The following SMARCA4 variants were observed in gnomAD, a reference collection of about 807,000 sequenced individuals.
The protein encoded by SMARCA4 is SWI/SNF-related matrix-associated actin-dependent regulator of chromatin subfamily A member 4.
A neutral mutation model predicts 193.9 loss-of-function variants in SMARCA4; 31 were observed. That is an observed-to-expected ratio of 0.16 (90% CI 0.12 to 0.22). The LOEUF is 0.22. SMARCA4 is among the 10% of genes least tolerant of loss of function. The pLI is 1.00. For missense variants in SMARCA4, 1,148 were observed against 2,296.0 expected, an observed-to-expected ratio of 0.50 and a Z score of 10.22; for synonymous variants, 942 against 933.1, an observed-to-expected ratio of 1.01 and a Z score of -0.17.
rs2089852090 is a variant in SMARCA4 at position 11,021,367 on chromosome 19, TC to T, written c.2617-353del. On this transcript the variant is annotated intron_variant, in intron 18 of 34. Transcript: ENST00000344626. Reference sequence around the variant, plus strand: ...AGACCCTCCACACCAGCAGGACAAGTCCCCCAGTCAGCAAGATGTGTCTTCT... The same window carrying T: ...AGACCCTCCACACCAGCAGGACAAGTCCCCAGTCAGCAAGATGTGTCTTCT... 159 of 382,098 alleles carry T rather than the reference TC, an allele frequency of 4.2e-4. 3 individuals carry two copies. Among genetic ancestry groups the T allele is most frequent in the South Asian group, 3.2e-3 (159 of 49,856 alleles). The allele number at this position is 382,098 out of a possible 1,614,324, so 23.7% of individuals were successfully genotyped here. A position where few individuals can be genotyped will look rare whatever the true frequency, so the allele number is the denominator to read the frequency against.
At chr19:10,982,461 T>G (rs2085629161) in intron 1 of SMARCA4, among the ~76,000 whole-genome samples, 1 of 151,456 alleles carries the variant, frequency 6.6e-6, no homozygotes, top group South Asian at 2.1e-4. Context: ...GCAACAAGAG[T>G]GAAACTTCGT....
At chr19:11,044,846 C>T (rs954115016) in intron 30 of SMARCA4, among the ~76,000 whole-genome samples, 5 of 152,242 alleles carry the variant, frequency 3.3e-5, no homozygotes, top group South Asian at 4.1e-4. Flanking sequence ...CACCGACAGA[C>T]GTGTCCATAG....
At position 11,007,889 on chromosome 19, in the gene SMARCA4, T is replaced by C. The variant is rs2146189229; in HGVS notation, c.2002-13T>C. 1.9e-6 allele frequency: 3 copies of C among 1,613,188 alleles called. No individual in the cohort carries two copies. ...GGGATGAACTGAGGTGACATGGGCT[T>C]GTCTCTTGGTAGGAGGAGGAGGAAG... On this transcript the variant is annotated splice_polypyrimidine_tract_variant and intron_variant, in intron 13 of 34. Transcript: ENST00000344626.
chr19:11,010,183 C>G (rs1006051878), intron 14 of SMARCA4, among the ~76,000 whole-genome samples, 198 bp from the exon 15 acceptor site: 1 of 152,152 alleles, frequency 6.6e-6, no homozygotes, highest in African/African-American at 2.4e-5. Context: ...TCCCAGGAGT[C>G]CAGTCTGGAC....
rs1264127779 is a variant in SMARCA4, at chr19:11,030,839, C to T, written c.3492C>T (p.Asn1164=). Residue 1164 remains asparagine, a synonymous_variant, in exon 25 of 35, where the codon AAC becomes AAT. Coordinates refer to ENST00000344626, the MANE Select transcript of SMARCA4 (RefSeq NM_003072.5). This position sits in a 1 kb window ranked among gnomAD's most constrained non-coding sequence, Gnocchi z 5.5. ...CCCGGGCTGGGGGGCTCGGCCTGAA[C>T]CTCCAGTCGGCAGACACTGTGATCA... The part of the protein sequence containing the change: ...LSTRAGGLGL[N]LQSADTVIIF... 1.2e-6 allele frequency: 2 copies of T among 1,609,260 alleles called. No homozygotes were observed. Among genetic ancestry groups the T allele is most frequent in the Non-Finnish European group, 8.5e-7 (1 of 1,178,148 alleles).
chr19:11,027,839 A>C lies in SMARCA4; in HGVS notation c.3271A>C (p.Lys1091Gln). 1 of 1,614,148 alleles carries C rather than the reference A, an allele frequency of 6.2e-7. No homozygotes were observed. The highest frequency in any genetic ancestry group is 8.5e-7 in the Non-Finnish European group (1 of 1,180,034). ...KFELLDRILP[K>Q]LRATNHKVLL... ...TGAGCTTCTTGATAGAATTCTTCCC[A>C]AACTCCGAGCAACCAACCACAAAGT... Residue 1091 changes from lysine (K) to glutamine (Q), a missense_variant, in exon 24 of 35, where the codon AAA (lysine) becomes CAA (glutamine). Lys to Gln is a moderately conservative substitution (Grantham distance 53). Transcript: ENST00000344626.
In SMARCA4 at chr19:11,060,204, G is replaced by T. The variant is rs367836094; in HGVS notation, c.4911+17G>T. ...CAAGAGGAGGTGAGGCCGGGCCCCC[G>T]AGCAGGCAGAGCTGGCATGTGGCAG... On this transcript the variant is annotated intron_variant, in intron 34 of 34. Transcript: ENST00000344626. 3.2e-6 allele frequency: 5 copies of T among 1,550,200 alleles called. No individual in the cohort carries two copies. Among genetic ancestry groups the T allele is most frequent in the South Asian group, 2.4e-5 (2 of 83,958 alleles).
chr19:10,982,066 C>T (rs139147754), intron 1 of SMARCA4, among the ~76,000 whole-genome samples: 201 of 152,158 alleles, frequency 1.3e-3, no homozygotes, highest in African/African-American at 4.3e-3. Flanking sequence ...TGGCCAGGAA[C>T]GGTGGCTCAC....
chr19:10,968,211 C>G (rs1028849658), intron 1 of SMARCA4, among the ~76,000 whole-genome samples: 1 of 152,164 alleles, frequency 6.6e-6, no homozygotes, highest in African/African-American at 2.4e-5. Context: ...TGGTCTCAAA[C>G]TTCTGACCTC....
At chr19:10,968,291 A>G (rs528817395) in intron 1 of SMARCA4, among the ~76,000 whole-genome samples, 25 of 152,176 alleles carry the variant, frequency 1.6e-4, no homozygotes, top group African/African-American at 4.8e-4. Context: ...CCTGGCCTCA[A>G]ATGTTTTTTT....
intron 16 of SMARCA4, among the ~76,000 whole-genome samples, chr19:11,017,617 C>G (rs1484109042): frequency 2.0e-5 from 3 of 152,274 alleles, no homozygotes; most frequent in African/African-American, 7.2e-5. Context: ...TCAGTCCCCT[C>G]CTGACCCTTG....
Position 10,991,130 on chromosome 19 carries a change from T to C in SMARCA4, c.1246-20T>C, listed in dbSNP as rs1178376923. ...CACAGAGCTGTGCAGTGCGCGGGCT[T>C]GTCCTCTTCCCTCCTACAGCTGCGC... On this transcript the variant is annotated intron_variant, in intron 7 of 34. Coordinates refer to ENST00000344626, the MANE Select transcript of SMARCA4 (RefSeq NM_003072.5). 6.2e-7 allele frequency: 1 copy of C among 1,613,056 alleles called. No homozygotes were observed. The highest frequency in any genetic ancestry group is 1.3e-5 in the African/African-American group (1 of 75,070).
In SMARCA4 at chr19:11,034,723, G is replaced by A. The variant is rs1403288727; in HGVS notation, c.3952-191G>A. 1.3e-5 allele frequency among the ~76,000 whole-genome samples: 2 copies of A among 152,160 alleles called. No individual in the cohort carries two copies. Among genetic ancestry groups the A allele is most frequent in the South Asian group, 2.1e-4 (1 of 4,834 alleles). ...AGTTTCCTCTGCCTCCTGAGGCAGA[G>A]CCTCTAGTCAGGGTCTGACGGAGCC... On this transcript the variant is annotated intron_variant, in intron 28 of 34. Transcript: ENST00000344626. This position sits in a 1 kb window ranked among gnomAD's most constrained non-coding sequence, Gnocchi z 7.0.
rs1353294451 is a variant in SMARCA4 at position 10,985,882 on chromosome 19, C to T, written c.356-307C>T. On this transcript the variant is annotated intron_variant, in intron 3 of 34. Coordinates refer to ENST00000344626, the MANE Select transcript of SMARCA4 (RefSeq NM_003072.5). The surrounding 1 kb of genome is among the most constrained non-coding windows in gnomAD (Gnocchi z 4.5). ...AGTGTTGGGGGTGGGCCTGGCGAGC[C>T]CGAGGATGTGGACCCCGCCTGTGGA... Among the ~76,000 whole-genome samples, 1 of 152,110 alleles carries T rather than the reference C, an allele frequency of 6.6e-6. No homozygotes were observed. Among genetic ancestry groups the T allele is most frequent in the Non-Finnish European group, 1.5e-5 (1 of 68,012 alleles).
intron 18 of SMARCA4, among the ~76,000 whole-genome samples, chr19:11,020,038 A>T (rs949034820): frequency 7.2e-5 from 11 of 152,150 alleles, no homozygotes; most frequent in African/African-American, 2.7e-4. Flanking sequence ...TGGCCAGACC[A>T]GTCTTGTCCT....
rs1280365701 is a variant in SMARCA4, at chr19:10,984,289, C to G, written c.138C>G (p.Ser46Arg). 1 of 1,608,486 alleles carries G rather than the reference C, an allele frequency of 6.2e-7. No homozygotes were observed. The highest frequency in any genetic ancestry group is 8.5e-7 in the Non-Finnish European group (1 of 1,177,950). ...CCGCCCACAGCATGATGGGGCCCAG[C>G]CCAGGGCCGCCCTCAGCAGGACACC... Reference protein sequence around the residue: ...PGSAHSMMGPSPGPPSAGHPI... With the variant: ...PGSAHSMMGPRPGPPSAGHPI... Residue 46 changes from serine (S) to arginine (R), a missense_variant, in exon 2 of 35, where the codon AGC becomes AGG. Around this residue, in one of 17 missense-constraint regions of SMARCA4, gnomAD observed 201 missense variants for 248.3 expected, o/e 0.81. Transcript: ENST00000344626. The surrounding 1 kb of genome is among the most constrained non-coding windows in gnomAD (Gnocchi z 4.3).
In SMARCA4 at chr19:10,985,171, G is replaced by A; in HGVS notation, c.223-102G>A. Reference sequence around the variant, plus strand: ...GGGGAGATGCGCGTCATCTTCGGGTGGCTGTTCTCGGTGCCCTCGAGCTTC... The same window carrying A: ...GGGGAGATGCGCGTCATCTTCGGGTAGCTGTTCTCGGTGCCCTCGAGCTTC... On this transcript the variant is annotated intron_variant, in intron 2 of 34. Transcript: ENST00000344626. This position sits in a 1 kb window ranked among gnomAD's most constrained non-coding sequence, Gnocchi z 4.5. 1.1e-5 allele frequency: 13 copies of A among 1,217,616 alleles called. No homozygotes were observed. Among genetic ancestry groups the A allele is most frequent in the Non-Finnish European group, 1.6e-5 (13 of 826,486 alleles). 75.4% of individuals were successfully genotyped at this position (1,217,616 alleles called of 1,614,324 possible). A position where few individuals can be genotyped will look rare whatever the true frequency, so the allele number is the denominator to read the frequency against.
chr19:10,998,120 C>A (rs1226590799), intron 11 of SMARCA4, among the ~76,000 whole-genome samples: 1 of 152,124 alleles, frequency 6.6e-6, no homozygotes, highest in Non-Finnish European at 1.5e-5. Flanking sequence ...CTCCTGGGCT[C>A]AAGTGATCCT....
chr19:10,976,669 A>T (rs1250846836), intron 1 of SMARCA4, among the ~76,000 whole-genome samples: 5 of 151,036 alleles, frequency 3.3e-5, no homozygotes, highest in African/African-American at 9.8e-5. Context: ...AGATGGGAGG[A>T]TCACTTGAGC....
Sources: allele counts gnomAD v4.1 joint callset (sites outside exome capture counted in the v4.1 genomes callset), GRCh38; gene constraint gnomAD v4.1.1; regional missense constraint gnomAD v4.1.1; non-coding constraint Gnocchi (gnomAD v3.1); transcripts MANE v1.5; gene names NCBI Gene and HGNC (gene_info 2026-07-23, HGNC 2026-07-21).